CSMD1: variants seen among roughly 807,000 people sequenced by gnomAD.
CSMD1 encodes the protein CUB and Sushi multiple domains 1.
CSMD1 carries 213 observed loss-of-function variants against 417.5 expected under a neutral mutation model. The observed-to-expected ratio is 0.51, with a 90% CI of 0.46 to 0.57. The LOEUF (loss-of-function observed/expected upper bound fraction) is 0.57. CSMD1 is among the 20% of genes least tolerant of loss of function. The pLI is 0.00. For synonymous variants in CSMD1, 2,862 were observed against 1,736.8 expected (o/e 1.65, Z -16.11); for missense variants, 6,923 against 4,529.7 (o/e 1.53, Z -15.17).
chr8:3,190,744 A>G (rs940796926), intron 33 of CSMD1, among the ~76,000 whole-genome samples: 8 of 152,246 alleles, frequency 5.3e-5, no homozygotes, highest in African/African-American at 1.9e-4. Flanking sequence ...CTAAATGTCC[A>G]TCATCAGATG....
At chr8:4,032,215 C>T (rs1266931916) in intron 3 of CSMD1, 116 bp from the exon 4 acceptor site, 16 of 679,076 alleles carry the variant, frequency 2.4e-5, no homozygotes, top group Admixed American at 6.3e-5. Context: ...CCTCTAGCAT[C>T]AGAAAAATAT....
intron 10 of CSMD1, among the ~76,000 whole-genome samples, chr8:3,556,503 T>G (rs1355737340): frequency 3.1e-5 from 4 of 130,680 alleles, no homozygotes; most frequent in African/African-American, 1.2e-4. Flanking sequence ...AAATACAAAC[T>G]TCTTTTTCAC....
At chr8:3,467,892 G>T (rs1480964324) in intron 12 of CSMD1, among the ~76,000 whole-genome samples, 1 of 152,168 alleles carries the variant, frequency 6.6e-6, no homozygotes, top group Non-Finnish European at 1.5e-5. Flanking sequence ...TGGGAAATAA[G>T]AACATACTGC....
rs118097568 is a variant in CSMD1, at chr8:4,829,623, C to T, written c.85+164709G>A. On this transcript the variant is annotated intron_variant, in intron 1 of 69. Transcript: ENST00000635120. ...GGGCACAGTGGTCATGCCTGTGGTC[C>T]CAAGTACTCAGGAGGCTGAGGAGGG... Among the ~76,000 whole-genome samples the T allele has an allele frequency of 3.9e-5, 6 of 151,916 alleles. No individual in the cohort carries two copies. In the East Asian group the frequency reaches 7.8e-4, roughly 20 times the overall value.
In CSMD1 at chr8:3,024,700, G is replaced by A. The variant is rs992219761; in HGVS notation, c.7855+4619C>T. 6.6e-5 allele frequency among the ~76,000 whole-genome samples: 10 copies of A among 152,188 alleles called. No individual in the cohort carries two copies. The East Asian group carries it at 1.9e-3, about 29-fold the overall frequency. ...TAATTCTCACCACCACATTGCCTGT[G>A]TTTTCTCTGATACTATTAAGTGACT... On this transcript the variant is annotated intron_variant, in intron 51 of 69. Transcript: ENST00000635120.
chr8:4,838,178 G>T (rs553228021), intron 1 of CSMD1, among the ~76,000 whole-genome samples: 1 of 152,164 alleles, frequency 6.6e-6, no homozygotes, highest in East Asian at 1.9e-4. Flanking sequence ...AAGTTAGCTT[G>T]TGTGCAGTGT....
At chr8:4,546,261 T>C (rs1016194139) in intron 2 of CSMD1, among the ~76,000 whole-genome samples, 1 of 152,094 alleles carries the variant, frequency 6.6e-6, no homozygotes, top group Non-Finnish European at 1.5e-5. Flanking sequence ...CTCTGGAGGG[T>C]CCTTTCCATG....
intron 4 of CSMD1, among the ~76,000 whole-genome samples, chr8:4,008,883 T>C (rs1816340135): frequency 6.6e-6 from 1 of 152,094 alleles, no homozygotes; most frequent in African/African-American, 2.4e-5. Context: ...GTGCTGGGAT[T>C]ACAGGCGTGA....
chr8:3,145,523 G>A (rs966929783), intron 40 of CSMD1, among the ~76,000 whole-genome samples: 2 of 152,066 alleles, frequency 1.3e-5, no homozygotes. Context: ...GTTTGAAAAG[G>A]AAATGGAATT....
chr8:3,519,576 G>C (rs573077750), intron 10 of CSMD1, among the ~76,000 whole-genome samples: 1 of 152,122 alleles, frequency 6.6e-6, no homozygotes, highest in East Asian at 1.9e-4. Flanking sequence ...TGAGTACCTT[G>C]GTAGAGACTA....
chr8:4,744,562 T>A (rs1055815115), intron 1 of CSMD1, among the ~76,000 whole-genome samples: 20 of 152,202 alleles, frequency 1.3e-4, no homozygotes, highest in Non-Finnish European at 2.6e-4. Context: ...CCTCAATGAT[T>A]TACAATTCAC....
At chr8:3,871,718 C>T (rs981488228) in intron 5 of CSMD1, among the ~76,000 whole-genome samples, 21 of 152,036 alleles carry the variant, frequency 1.4e-4, no homozygotes, top group Non-Finnish European at 2.9e-4. Context: ...CAAAAAATTG[C>T]TTTTGAAATC....
chr8:4,120,350 T>G (rs1452616347), intron 3 of CSMD1, among the ~76,000 whole-genome samples: 1 of 152,212 alleles, frequency 6.6e-6, no homozygotes, highest in African/African-American at 2.4e-5. Context: ...TAAGATTATT[T>G]TATAAAATCA....
At chr8:3,453,163 A>AT (rs1304366482) in intron 12 of CSMD1, among the ~76,000 whole-genome samples, 2 of 151,958 alleles carry the variant, frequency 1.3e-5, no homozygotes, top group Non-Finnish European at 2.9e-5. Context: ...TGGTGGTGAT[A>AT]TCCCCTTCAT....
At chr8:3,283,244 G>A (rs1364492947) in intron 26 of CSMD1, among the ~76,000 whole-genome samples, 1 of 152,074 alleles carries the variant, frequency 6.6e-6, no homozygotes, top group Non-Finnish European at 1.5e-5. Flanking sequence ...ATCAAAGCGT[G>A]TTTGATTAGC....
intron 23 of CSMD1, among the ~76,000 whole-genome samples, chr8:3,318,002 G>A (rs528405289): frequency 3.5e-4 from 53 of 152,250 alleles, no homozygotes; most frequent in African/African-American, 1.2e-3. Flanking sequence ...GTAGAGACAG[G>A]GTTTCCCCGG....
intron 49 of CSMD1, among the ~76,000 whole-genome samples, chr8:3,069,648 G>A (rs1291776359): frequency 6.6e-6 from 1 of 152,186 alleles, no homozygotes; most frequent in Admixed American, 6.5e-5. Flanking sequence ...GCTGATCTCA[G>A]CAGCTGGAGT....
intron 3 of CSMD1, among the ~76,000 whole-genome samples, chr8:4,187,378 G>A (rs1202747989): frequency 6.6e-6 from 1 of 152,164 alleles, no homozygotes; most frequent in Admixed American, 6.5e-5. Flanking sequence ...CAGGCACGGT[G>A]GCTGATGCCT....
At chr8:4,709,480 AGGG>A (rs1808155480) in intron 1 of CSMD1, among the ~76,000 whole-genome samples, 2 of 152,218 alleles carry the variant, frequency 1.3e-5, no homozygotes, top group Admixed American at 1.3e-4. Context: ...CGTAAGGAAC[AGGG>A]GGAGCCTCAT....
Sources: gnomAD v4.1 joint callset for allele counts (sites outside exome capture counted in the v4.1 genomes callset) on GRCh38, gnomAD v4.1.1 for gene constraint, MANE v1.5 for transcripts, NCBI Gene and HGNC (gene_info 2026-07-23, HGNC 2026-07-21) for gene names.